The following TLE3 variants were observed in gnomAD, a reference collection of about 807,000 sequenced individuals.
TLE3 encodes the protein TLE family member 3, transcriptional corepressor, also known as transducin-like enhancer protein 3.
A neutral mutation model predicts 93.0 loss-of-function variants in TLE3; 14 were observed. That is an observed-to-expected ratio of 0.15 (90% confidence interval 0.10 to 0.24). The LOEUF is 0.24. Ranked by LOEUF, TLE3 falls within the 10% of genes least tolerant of loss-of-function variation. The probability of loss-of-function intolerance (pLI) is 1.00; values close to 1 mark genes in which losing one functional copy is unlikely to be tolerated. For synonymous variants in TLE3, 451 were observed against 425.0 expected (o/e 1.06, Z -0.75); for missense variants, 693 against 1,046.6 (o/e 0.66, Z 4.66).
chr15:70,064,647 C>A (rs1206466607), intron 7 of TLE3, among the ~76,000 whole-genome samples, 177 bp from the exon 8 acceptor site: 1 of 152,074 alleles, frequency 6.6e-6, no homozygotes, highest in Non-Finnish European at 1.5e-5. Context: ...CAAGGCAGGG[C>A]CATTAGGTGG....
At chr15:70,096,470 G>A (rs1360678116) in intron 1 of TLE3, 6 of 1,144,754 alleles carry the variant, frequency 5.2e-6, no homozygotes, top group Non-Finnish European at 7.3e-6. Flanking sequence ...CTTTCACCAA[G>A]GGCCTCCCTC....
chr15:70,090,189 A>T (rs551080193), intron 4 of TLE3, among the ~76,000 whole-genome samples: 1 of 152,272 alleles, frequency 6.6e-6, no homozygotes, highest in Admixed American at 6.5e-5. Flanking sequence ...GCAGACCCCA[A>T]AGCTGAGCGA....
chr15:70,054,785 T>A (rs1298957954), intron 15 of TLE3, 100 bp from the exon 16 acceptor site: 40 of 1,425,464 alleles, frequency 2.8e-5, no homozygotes, highest in Non-Finnish European at 3.5e-5. Context: ...CAGTCCTGCT[T>A]ACAGCCTCCC....
At chr15:70,056,241 A>G in intron 14 of TLE3, 57 bp downstream of exon 14, 1 of 1,557,932 alleles carries the variant, frequency 6.4e-7, no homozygotes, top group Non-Finnish European at 8.8e-7. Flanking sequence ...AATTGGGGGT[A>G]GAGTGCTCTC....
chr15:70,081,473 G>T (rs1030719899), intron 4 of TLE3, among the ~76,000 whole-genome samples: 1 of 152,232 alleles, frequency 6.6e-6, no homozygotes, highest in Non-Finnish European at 1.5e-5. Context: ...GCAAAACTGC[G>T]CTTCACTGTG....
At position 70,097,726 on chromosome 15, in the gene TLE3, T is replaced by TCGGCCCGGCTCTCCTCTCCG; in HGVS notation, c.-948_-929dup. The TCGGCCCGGCTCTCCTCTCCG allele has an allele frequency of 5.1e-6, 2 of 395,372 alleles. No individual in the cohort carries two copies. The highest frequency in any genetic ancestry group is 8.9e-6 in the Non-Finnish European group (2 of 224,584). The allele number at this position is 395,372 out of a possible 1,614,324, so 24.5% of individuals were successfully genotyped here. On this transcript the variant is annotated 5_prime_UTR_variant, in exon 1 of 20. Transcript: ENST00000451782. ...AGCTCTACGGCTTCCTTCCTTCCCC[T>TCGGCCCGGCTCTCCTCTCCG]CGGCCCGGCTCTCCTCTCCGCGCCC...
rs759642394 is a variant in TLE3 at position 70,055,297 on chromosome 15, C to A, written c.1330G>T (p.Ala444Ser). Reference sequence around the variant, plus strand: ...TCAGCACTCACATGGAATGAGTACGCTCTGAAAAGGTGAGAAACCGTCACT... The same window carrying A: ...TCAGCACTCACATGGAATGAGTACGATCTGAAAAGGTGAGAAACCGTCACT... The part of the protein sequence containing the change: ...SLASIPGGKP[A>S]YSFHVSADGQ... The change falls in exon 15 of 20, where the codon GCG becomes TCG. Residue 444 changes from alanine to serine, a missense_variant and splice_region_variant. Around this residue, in one of 4 missense-constraint regions of TLE3, gnomAD observed 405 missense variants for 468.9 expected, o/e 0.86. Transcript: ENST00000451782. The A allele has an allele frequency of 3.2e-6, 5 of 1,568,440 alleles. No individual in the cohort carries two copies. The highest frequency in any genetic ancestry group is 3.5e-6 in the Non-Finnish European group (4 of 1,157,638).
chr15:70,094,764 C>T, intron 3 of TLE3, 188 bp from the exon 4 acceptor site: 1 of 583,938 alleles, frequency 1.7e-6, no homozygotes, highest in Non-Finnish European at 3.1e-6. Flanking sequence ...GCGTTCCTCT[C>T]ATCTCAACAG....
At chr15:70,052,081 G>C (rs1242773099) in intron 18 of TLE3, among the ~76,000 whole-genome samples, 2 of 152,166 alleles carry the variant, frequency 1.3e-5, no homozygotes, top group African/African-American at 4.8e-5. Context: ...ACCATGGAGA[G>C]GAACTGCCTG....
In TLE3 at chr15:70,096,256, G is replaced by A. The variant is rs1487478470; in HGVS notation, c.30C>T (p.Pro10=). Residue 10 remains proline, a synonymous_variant, in exon 2 of 20, where the codon CCC becomes CCT. Transcript: ENST00000451782. Reference sequence around the variant, plus strand: ...TAAATCCCGGCTGCCCGGGTTGATGGGGAGCCTGGAGCCCGCGAAGACAAG... The same window carrying A: ...TAAATCCCGGCTGCCCGGGTTGATGAGGAGCCTGGAGCCCGCGAAGACAAG... The part of the protein sequence containing the change: MYPQGRHPA[P]HQPGQPGFKF... 6.4e-7 allele frequency: 1 copy of A among 1,553,464 alleles called. No homozygotes were observed. Among genetic ancestry groups the A allele is most frequent in the Non-Finnish European group, 8.7e-7 (1 of 1,148,444 alleles).
chr15:70,066,867 C>A, intron 6 of TLE3: 1 of 323,822 alleles, frequency 3.1e-6, no homozygotes, highest in Non-Finnish European at 6.4e-6. Flanking sequence ...GATTGAAATC[C>A]CAGCTCTGGC....
At chr15:70,096,737 T>C (rs761165624) in intron 1 of TLE3, 38 bp downstream of exon 1, 13 of 1,611,336 alleles carry the variant, frequency 8.1e-6, no homozygotes, top group African/African-American at 1.3e-5. Context: ...TACCCTGCCA[T>C]GATAGATGCT....
chr15:70,057,469 C>T lies in TLE3; in HGVS notation c.1241G>A (p.Ser414Asn). The change falls in exon 13 of 20, where the codon AGC (serine) becomes AAC (asparagine). Residue 414 changes from serine to asparagine, a missense_variant. This residue lies in a region of TLE3 where 405 missense variants were observed against 468.9 expected (regional missense o/e 0.86). Transcript: ENST00000451782. Reference protein sequence around the residue: ...AAAYGRSPMVSFGAVGFDPHP... With the variant: ...AAAYGRSPMVNFGAVGFDPHP... The stretch of plus-strand genomic sequence containing the variant: ...AAAAGGTCTACGTACAGCTCCAAAG[C>T]TCACCATTGGCGATCGGCCATAGGC... 1 of 1,602,348 alleles carries T rather than the reference C, an allele frequency of 6.2e-7. No homozygotes were observed. The highest frequency in any genetic ancestry group is 8.5e-7 in the Non-Finnish European group (1 of 1,174,642).
intron 3 of TLE3, chr15:70,095,356 C>T (rs576462725): frequency 1.4e-5 from 20 of 1,432,900 alleles, no homozygotes; most frequent in African/African-American, 2.9e-5. Context: ...GGCCTGGAAT[C>T]GGGGTTTCTC....
chr15:70,071,564 T>C (rs2057162990), intron 6 of TLE3, among the ~76,000 whole-genome samples: 1 of 152,122 alleles, frequency 6.6e-6, no homozygotes, highest in Admixed American at 6.5e-5. Context: ...TTGAGTTGAG[T>C]TGAGCCGAGC....
intron 4 of TLE3, among the ~76,000 whole-genome samples, chr15:70,093,296 G>C (rs2058386770): frequency 6.6e-6 from 1 of 152,108 alleles, no homozygotes. Context: ...CAACACTGGG[G>C]GCTCCCTCCA....
In TLE3 at chr15:70,053,353, A is replaced by G. The variant is rs151239650; in HGVS notation, c.1848T>C (p.Asp616=). ...TLVRQFQGHT[D]GASCIDISHD... ...GGGAGATGTCTATGCAGCTGGCCCCATCTGTGTGGCCCTGGAACTGCCTAC... is the reference window on the plus strand; with the variant it reads ...GGGAGATGTCTATGCAGCTGGCCCCGTCTGTGTGGCCCTGGAACTGCCTAC... Residue 616 remains aspartate, a synonymous_variant, in exon 17 of 20, where the codon GAT becomes GAC. Coordinates refer to ENST00000451782, the MANE Select transcript of TLE3 (RefSeq NM_001105192.3). 1.0e-3 allele frequency: 1,638 copies of G among 1,608,182 alleles called. 11 individuals are homozygous for G. The African/African-American group carries it at 0.02, about 20-fold the overall frequency.
chr15:70,088,048 G>A (rs2058113795), intron 4 of TLE3, among the ~76,000 whole-genome samples: 1 of 152,118 alleles, frequency 6.6e-6, no homozygotes, highest in Admixed American at 6.5e-5. Context: ...TTCCTTAGCG[G>A]TCATGGCCTG....
chr15:70,071,684 T>A (rs1308398321), intron 6 of TLE3, among the ~76,000 whole-genome samples: 7 of 152,136 alleles, frequency 4.6e-5, no homozygotes, highest in Non-Finnish European at 1.0e-4. Context: ...AAAGCCCTCC[T>A]CTAAGTCCAA....
Sources: allele counts gnomAD v4.1 joint callset (sites outside exome capture counted in the v4.1 genomes callset), GRCh38; gene constraint gnomAD v4.1.1; regional missense constraint gnomAD v4.1.1; transcripts MANE v1.5; gene names NCBI Gene and HGNC (gene_info 2026-07-23, HGNC 2026-07-21).